The following NUBP1 variants were observed in gnomAD, a reference collection of about 807,000 sequenced individuals.
NUBP1 encodes cytosolic Fe-S cluster assembly factor NUBP1.
A neutral mutation model predicts 41.8 loss-of-function variants in NUBP1; 46 were observed. The ratio of observed to expected loss-of-function variants is 1.10; its 90% CI spans 0.87 to 1.41. The LOEUF is 1.41. Among genes scored for constraint, NUBP1 ranks in the 40% most tolerant of loss-of-function variants. The pLI is 0.00. For missense variants in NUBP1, 494 were observed against 414.0 expected, an observed-to-expected ratio of 1.19 and a Z score of -1.68; for synonymous variants, 189 against 154.6, an observed-to-expected ratio of 1.22 and a Z score of -1.65.
chr16:10,755,854 T>C, intron 5 of NUBP1, 101 bp downstream of exon 5: 1 of 1,097,878 alleles, frequency 9.1e-7, no homozygotes, highest in Non-Finnish European at 1.4e-6. Flanking sequence ...TTAGGGTACT[T>C]TTCGAGGCAC....
rs1047751937 is a variant in NUBP1, at chr16:10,767,832, G to A, written c.821-117G>A. 19 of 916,076 alleles carry A rather than the reference G, an allele frequency of 2.1e-5. No individual in the cohort carries two copies. The highest frequency in any genetic ancestry group is 2.2e-4 in the Middle Eastern group (1 of 4,598). The allele number at this position is 916,076 out of a possible 1,614,324, so 56.7% of individuals were successfully genotyped here. A position where few individuals can be genotyped will look rare whatever the true frequency, so the allele number is the denominator to read the frequency against. Reference sequence around the variant, plus strand: ...TCTTTTCTACTTTGTTCTTCATTACGAGTGAAGCGGGCTCAAGATCTTCCC... The same window carrying A: ...TCTTTTCTACTTTGTTCTTCATTACAAGTGAAGCGGGCTCAAGATCTTCCC... On this transcript the variant is annotated intron_variant, in intron 9 of 10. Coordinates refer to ENST00000283027, the MANE Select transcript of NUBP1 (RefSeq NM_002484.4). This position sits in a 1 kb window ranked among gnomAD's most constrained non-coding sequence, Gnocchi z 4.6.
rs780827060 is a variant in NUBP1 at position 10,755,745 on chromosome 16, T to G, written c.352T>G (p.Ser118Ala). ...GGTTCACCAGAGTGGCTCAGGCTGGTCTCCAGTGGTGAGTTTTCACCTCTT... is the reference window on the plus strand; with the variant it reads ...GGTTCACCAGAGTGGCTCAGGCTGGGCTCCAGTGGTGAGTTTTCACCTCTT... ...EQVHQSGSGW[S>A]PVYVEDNLGV... The change falls in exon 5 of 11, where the codon TCT (serine) becomes GCT (alanine). Residue 118 changes from serine to alanine, a missense_variant. Ser to Ala is a moderately conservative substitution (Grantham distance 99). Coordinates refer to ENST00000283027, the MANE Select transcript of NUBP1 (RefSeq NM_002484.4). 1.9e-6 allele frequency: 3 copies of G among 1,614,170 alleles called. No individual in the cohort carries two copies. Among genetic ancestry groups the G allele is most frequent in the Non-Finnish European group, 1.7e-6 (2 of 1,180,008 alleles).
At chr16:10,760,401 A>G (rs1213312260) in intron 7 of NUBP1, among the ~76,000 whole-genome samples, 1 of 152,254 alleles carries the variant, frequency 6.6e-6, no homozygotes, top group Non-Finnish European at 1.5e-5. Flanking sequence ...CAGTGCACAC[A>G]CTGGCTTAAT....
rs561424275 is a variant in NUBP1 at position 10,757,194 on chromosome 16, G to A, written c.451+414G>A. Among the ~76,000 whole-genome samples the A allele has an allele frequency of 3.9e-4, 60 of 152,174 alleles. No individual in the cohort carries two copies. The highest frequency in any genetic ancestry group is 3.7e-3 in the South Asian group (18 of 4,824). On this transcript the variant is annotated intron_variant, in intron 6 of 10. Transcript: ENST00000283027. This position sits in a 1 kb window ranked among gnomAD's most constrained non-coding sequence, Gnocchi z 4.1. ...CACGTACCTGTAATCCCAGCTACTC[G>A]AGAGGCTGAGGCAGGAGAACCCAGG...
In NUBP1 at chr16:10,743,955, G is replaced by C; in HGVS notation, c.20-6G>C. The C allele has an allele frequency of 6.3e-7, 1 of 1,592,886 alleles. No individual in the cohort carries two copies. The highest frequency in any genetic ancestry group is 8.5e-7 in the Non-Finnish European group (1 of 1,172,778). ...CTGCTCTAACTGTGGTCTTGTCTCTGCGCAGACTGTCCAGGGGCCGACAGC... is the reference window on the plus strand; with the variant it reads ...CTGCTCTAACTGTGGTCTTGTCTCTCCGCAGACTGTCCAGGGGCCGACAGC... On this transcript the variant is annotated splice_region_variant and splice_polypyrimidine_tract_variant and intron_variant, in intron 1 of 10. Coordinates refer to ENST00000283027, the MANE Select transcript of NUBP1 (RefSeq NM_002484.4).
chr16:10,752,514 T>C (rs1804839594), intron 3 of NUBP1, 96 bp from the exon 4 acceptor site: 2 of 928,940 alleles, frequency 2.2e-6, no homozygotes, highest in Non-Finnish European at 3.5e-6. Flanking sequence ...TCTTCTCCCC[T>C]GTCCTTTTCC....
chr16:10,751,404 T>C (rs944279303), intron 3 of NUBP1, among the ~76,000 whole-genome samples: 6 of 152,122 alleles, frequency 3.9e-5, no homozygotes, highest in South Asian at 2.1e-4. Flanking sequence ...GATGGCTCCA[T>C]AGAGGGCACC....
At position 10,756,768 on chromosome 16, in the gene NUBP1, C is replaced by A. The variant is rs146872245; in HGVS notation, c.439C>A (p.Pro147Thr). ...SPDDAVIWRG[P>T]KKNGMIKQFL... Reference sequence around the variant, plus strand: ...TGATGATGCTGTTATCTGGAGGGGACCCAAGAAAAACGGTTTGCCACTCTG... The same window carrying A: ...TGATGATGCTGTTATCTGGAGGGGAACCAAGAAAAACGGTTTGCCACTCTG... The change falls in exon 6 of 11, where the codon CCC becomes ACC. Residue 147 changes from proline to threonine, a missense_variant. By Grantham distance (38) the Pro-to-Thr change is conservative. Transcript: ENST00000283027. 1.0e-5 allele frequency: 16 copies of A among 1,591,868 alleles called. No homozygotes were observed. The East Asian group carries it at 2.8e-4, about 28-fold the overall frequency.
At chr16:10,747,768 G>A (rs534382671) in intron 3 of NUBP1, among the ~76,000 whole-genome samples, 34 of 152,342 alleles carry the variant, frequency 2.2e-4, no homozygotes, top group Non-Finnish European at 4.3e-4. Context: ...ATGGCTAGCA[G>A]ATGTACATCT....
chr16:10,744,467 T>G (rs1899971612), intron 2 of NUBP1, among the ~76,000 whole-genome samples: 1 of 152,236 alleles, frequency 6.6e-6, no homozygotes, highest in East Asian at 1.9e-4. Context: ...CCAGCTACTT[T>G]CTTGACACAA....
At chr16:10,752,242 T>TTGGC (rs1355201317) in intron 3 of NUBP1, among the ~76,000 whole-genome samples, 1 of 152,216 alleles carries the variant, frequency 6.6e-6, no homozygotes, top group Non-Finnish European at 1.5e-5. Flanking sequence ...CTGCCGTCTC[T>TTGGC]TGGCTGTTCC....
rs749932617 is a variant in NUBP1, at chr16:10,744,076, G to T, written c.124+11G>T. On this transcript the variant is annotated intron_variant, in intron 2 of 10. Transcript: ENST00000283027. ...CCACTCCGGACACGGGTGAGAAAAG[G>T]GCAAGGCCTCAACAGGAACTTAGAG... 2.0e-5 allele frequency: 31 copies of T among 1,565,760 alleles called. 2 individuals carry two copies. The South Asian group carries it at 3.7e-4, about 19-fold the overall frequency.
rs2031181022 is a variant in NUBP1 at position 10,768,170 on chromosome 16, G to A, written c.904+138G>A. 1.5e-6 allele frequency: 1 copy of A among 656,522 alleles called. No individual in the cohort carries two copies. The highest frequency in any genetic ancestry group is 2.6e-6 in the Non-Finnish European group (1 of 380,018). The allele number at this position is 656,522 out of a possible 1,614,324, so 40.7% of individuals were successfully genotyped here. ...TGGCCCCCATAGCCGAGGAAGCCAG[G>A]AGTCCATGAGAAATCTCTCAATGTG... On this transcript the variant is annotated intron_variant, in intron 10 of 10. Coordinates refer to ENST00000283027, the MANE Select transcript of NUBP1 (RefSeq NM_002484.4). This position sits in a 1 kb window ranked among gnomAD's most constrained non-coding sequence, Gnocchi z 4.3.
chr16:10,759,914 C>T lies in NUBP1; in HGVS notation c.607-1450C>T, dbSNP rs547634915. Among the ~76,000 whole-genome samples, 3 of 152,354 alleles carry T rather than the reference C, an allele frequency of 2.0e-5. No individual in the cohort carries two copies. Among genetic ancestry groups the T allele is most frequent in the African/African-American group, 2.4e-5 (1 of 41,582 alleles). On this transcript the variant is annotated intron_variant, in intron 7 of 10. Coordinates refer to ENST00000283027, the MANE Select transcript of NUBP1 (RefSeq NM_002484.4). The surrounding 1 kb of genome is among the most constrained non-coding windows in gnomAD (Gnocchi z 4.7). ...AAAAGAACAGGCCCAAAGCTGCGAG[C>T]CTTTCGGGCTCACGTGAGTGGTGAA...
At position 10,768,113 on chromosome 16, in the gene NUBP1, G is replaced by T; in HGVS notation, c.904+81G>T. On this transcript the variant is annotated intron_variant, in intron 10 of 10. Coordinates refer to ENST00000283027, the MANE Select transcript of NUBP1 (RefSeq NM_002484.4). The surrounding 1 kb of genome is among the most constrained non-coding windows in gnomAD (Gnocchi z 4.3). ...AAGGAGCCAGGGGTGTGGAAGGACA[G>T]GTGGGTGGTGGGGTCTGTGATGACC... 1.5e-6 allele frequency: 2 copies of T among 1,339,514 alleles called. No individual in the cohort carries two copies. Among genetic ancestry groups the T allele is most frequent in the Non-Finnish European group, 2.1e-6 (2 of 940,388 alleles). The allele number at this position is 1,339,514 out of a possible 1,614,324, so 83.0% of individuals were successfully genotyped here.
chr16:10,751,973 G>C (rs535934369), intron 3 of NUBP1, among the ~76,000 whole-genome samples: 16 of 152,298 alleles, frequency 1.1e-4, no homozygotes, highest in Admixed American at 3.9e-4. Flanking sequence ...TTCCTCCTCT[G>C]TAAACCAGAG....
rs2031191381 is a variant in NUBP1 at position 10,768,249 on chromosome 16, TG to T, written c.904+219del. 7.4e-6 allele frequency: 3 copies of T among 404,012 alleles called. No individual in the cohort carries two copies. In the South Asian group the frequency reaches 1.3e-4, roughly 18 times the overall value. 25.0% of individuals were successfully genotyped at this position (404,012 alleles called of 1,614,324 possible). A position where few individuals can be genotyped will look rare whatever the true frequency, so the allele number is the denominator to read the frequency against. On this transcript the variant is annotated intron_variant, in intron 10 of 10. Coordinates refer to ENST00000283027, the MANE Select transcript of NUBP1 (RefSeq NM_002484.4). The surrounding 1 kb of genome is among the most constrained non-coding windows in gnomAD (Gnocchi z 4.3). ...AAAAACATGGTGAGGGTGAAATTTA[TG>T]GCTTAGGAAATACATCCCAATAAAG...
intron 1 of NUBP1, 24 bp downstream of exon 1, chr16:10,743,906 G>A: frequency 3.2e-6 from 5 of 1,573,370 alleles, no homozygotes; most frequent in Non-Finnish European, 4.3e-6. Flanking sequence ...GGGGGCGTGG[G>A]TCGCGGGGCG....
chr16:10,752,870 A>G (rs753777094), intron 4 of NUBP1, among the ~76,000 whole-genome samples, 192 bp downstream of exon 4: 14 of 152,196 alleles, frequency 9.2e-5, no homozygotes, highest in Non-Finnish European at 1.8e-4. Flanking sequence ...ACCTCAGCTC[A>G]CTGCAACCTC....
Sources: gnomAD v4.1 joint callset for allele counts (sites outside exome capture counted in the v4.1 genomes callset) on GRCh38, gnomAD v4.1.1 for gene constraint, Gnocchi (gnomAD v3.1) non-coding constraint, MANE v1.5 for transcripts, NCBI Gene and HGNC (gene_info 2026-07-23, HGNC 2026-07-21) for gene names.